PHLPP1: variants seen among roughly 807,000 people sequenced by gnomAD.
PHLPP1 encodes PH domain and leucine rich repeat protein phosphatase 1, also known as PH domain leucine-rich repeat-containing protein phosphatase 1.
Under a neutral mutation model 117.2 loss-of-function variants are expected in PHLPP1, and 42 were observed. The observed-to-expected ratio is 0.36, with a 90% CI of 0.28 to 0.46. PHLPP1 has a LOEUF of 0.46. Ranked by LOEUF, PHLPP1 falls within the 20% of genes least tolerant of loss-of-function variation. PHLPP1 has a pLI of 1.00. For missense variants in PHLPP1, 2,084 were observed against 2,241.9 expected (o/e 0.93, Z 1.42); for synonymous variants, 1,042 against 970.7 (o/e 1.07, Z -1.37).
chr18:62,737,101 G>A (rs909494536), intron 1 of PHLPP1, among the ~76,000 whole-genome samples: 1 of 152,246 alleles, frequency 6.6e-6, no homozygotes, highest in Middle Eastern at 3.4e-3. Context: ...ACAGTGCCAG[G>A]GGAATCCAGA....
chr18:62,755,128 G>A (rs1911972426), intron 1 of PHLPP1, among the ~76,000 whole-genome samples: 1 of 152,034 alleles, frequency 6.6e-6, no homozygotes, highest in Admixed American at 6.5e-5. Context: ...GTAGGAAGTA[G>A]AGGTTTAGAC....
intron 1 of PHLPP1, among the ~76,000 whole-genome samples, chr18:62,726,212 G>A (rs997566212): frequency 8.5e-5 from 13 of 152,104 alleles, no homozygotes; most frequent in African/African-American, 2.9e-4. Flanking sequence ...GAGGGGGTGA[G>A]TAGGGTAACT....
chr18:62,814,615 C>G (rs187996697), intron 1 of PHLPP1, among the ~76,000 whole-genome samples: 3 of 152,244 alleles, frequency 2.0e-5, no homozygotes, highest in Admixed American at 2.0e-4. Flanking sequence ...TTCACTCATT[C>G]GACCATTTTC....
At chr18:62,933,933 CTT>C (rs1266127722) in intron 10 of PHLPP1, among the ~76,000 whole-genome samples, 1 of 152,064 alleles carries the variant, frequency 6.6e-6, no homozygotes, top group African/African-American at 2.4e-5. Context: ...TGAATAGACA[CTT>C]CTCAAAAGAA....
intron 12 of PHLPP1, among the ~76,000 whole-genome samples, chr18:62,952,125 A>G (rs1417765716): frequency 1.3e-5 from 2 of 151,902 alleles, no homozygotes; most frequent in African/African-American, 4.8e-5. Context: ...GCCATAATCA[A>G]TTTTAAGAAG....
intron 1 of PHLPP1, among the ~76,000 whole-genome samples, chr18:62,775,349 C>T (rs868280349): frequency 1.3e-5 from 2 of 152,230 alleles, no homozygotes; most frequent in African/African-American, 2.4e-5. Flanking sequence ...ATCCACCCGC[C>T]TCGGCCTCCT....
intron 1 of PHLPP1, among the ~76,000 whole-genome samples, chr18:62,805,677 A>G (rs1913929651): frequency 6.6e-6 from 1 of 152,090 alleles, no homozygotes; most frequent in South Asian, 2.1e-4. Context: ...CACTGTCTTA[A>G]TGGTGTCTTT....
chr18:62,782,144 C>T (rs760488539), intron 1 of PHLPP1, among the ~76,000 whole-genome samples: 1 of 152,226 alleles, frequency 6.6e-6, no homozygotes, highest in Non-Finnish European at 1.5e-5. Flanking sequence ...CATATTTACG[C>T]AAACACTTCG....
chr18:62,873,058 C>T (rs1286660277), intron 4 of PHLPP1, among the ~76,000 whole-genome samples: 2 of 149,996 alleles, frequency 1.3e-5, no homozygotes, highest in Non-Finnish European at 2.9e-5. Flanking sequence ...TTTTCAAGTG[C>T]GTTTGGCCCA....
At chr18:62,933,014 A>G (rs2144442129) in intron 10 of PHLPP1, among the ~76,000 whole-genome samples, 1 of 152,300 alleles carries the variant, frequency 6.6e-6, no homozygotes, top group South Asian at 2.1e-4. Context: ...CATTTACAAT[A>G]GCAAAAAAAT....
At chr18:62,957,927 C>T (rs1387378964) in intron 12 of PHLPP1, among the ~76,000 whole-genome samples, 1 of 152,094 alleles carries the variant, frequency 6.6e-6, no homozygotes, top group African/African-American at 2.4e-5. Flanking sequence ...AGGCTGATCT[C>T]GAACTCCTGA....
intron 8 of PHLPP1, among the ~76,000 whole-genome samples, chr18:62,905,539 A>G (rs683138): frequency 0.46 from 69,778 of 152,062 alleles, 16,266 homozygotes; most frequent in Middle Eastern, 0.57. Flanking sequence ...GTTGAGGGCC[A>G]TATGGCTTAA....
At chr18:62,842,538 AT>A (rs1490771654) in intron 3 of PHLPP1, among the ~76,000 whole-genome samples, 1 of 151,288 alleles carries the variant, frequency 6.6e-6, no homozygotes, top group Non-Finnish European at 1.5e-5. Context: ...ATTTTTTTGT[AT>A]TTTTAGTAGA....
At chr18:62,864,456 T>C (rs1295082029) in intron 4 of PHLPP1, among the ~76,000 whole-genome samples, 4 of 152,118 alleles carry the variant, frequency 2.6e-5, no homozygotes, top group African/African-American at 9.7e-5. Flanking sequence ...GTATTCAAGG[T>C]AGAGAGGAGG....
chr18:62,942,326 G>A (rs1409246890), intron 11 of PHLPP1, among the ~76,000 whole-genome samples: 1 of 152,118 alleles, frequency 6.6e-6, no homozygotes, highest in Admixed American at 6.6e-5. Context: ...TTCGAGACCA[G>A]CCTGGGCAAC....
intron 12 of PHLPP1, among the ~76,000 whole-genome samples, chr18:62,946,529 A>G (rs1175365049): frequency 6.6e-6 from 1 of 151,526 alleles, no homozygotes; most frequent in Non-Finnish European, 1.5e-5. Context: ...CGGCCTCCCA[A>G]AGTGCTGGGA....
Position 62,900,301 on chromosome 18 carries a change from TAATAAATAAATAAATAAATAAATA to T in PHLPP1, c.2445-2636_2445-2613del, listed in dbSNP as rs142418645. On this transcript the variant is annotated intron_variant, in intron 6 of 16. Transcript: ENST00000262719. ...GACAGAGCAAGACTTTGCCTTAAAA[TAATAAATAAATAAATAAATAAATA>T]AATAAATAAATAAATAAATAAATAA... 8.5e-4 allele frequency among the ~76,000 whole-genome samples: 123 copies of T among 144,750 alleles called. 2 individuals carry two copies. Among genetic ancestry groups the T allele is most frequent in the African/African-American group, 2.8e-3 (109 of 39,280 alleles). 95.0% of individuals were successfully genotyped at this position (144,750 alleles called of 152,430 possible). A position where few individuals can be genotyped will look rare whatever the true frequency, so the allele number is the denominator to read the frequency against.
intron 4 of PHLPP1, among the ~76,000 whole-genome samples, chr18:62,878,080 G>A (rs1916091982): frequency 6.6e-6 from 1 of 152,146 alleles, no homozygotes; most frequent in Non-Finnish European, 1.5e-5. Flanking sequence ...TGAGCTCTGT[G>A]GAGCTCTTTG....
In PHLPP1 at chr18:62,716,629, G is replaced by C. The variant is rs904958396; in HGVS notation, c.946G>C (p.Ala316Pro). The C allele has an allele frequency of 8.3e-5, 111 of 1,337,420 alleles. No individual in the cohort carries two copies. In the African/African-American group the frequency reaches 1.5e-3, roughly 19 times the overall value. The allele number at this position is 1,337,420 out of a possible 1,614,324, so 82.8% of individuals were successfully genotyped here. ...VGGPGGWSRR[A>P]SPAPSDSSPG... ...CGGCCCGGGCGGGTGGTCGCGCCGC[G>C]CCAGCCCAGCGCCCTCGGACTCCAG... Residue 316 changes from alanine to proline, a missense_variant, in exon 1 of 17, where the codon GCC becomes CCC. By Grantham distance (27) the Ala-to-Pro change is conservative. This residue lies in a region of PHLPP1 where 719 missense variants were observed against 636.0 expected (regional missense o/e 1.13). Coordinates refer to ENST00000262719, the MANE Select transcript of PHLPP1 (RefSeq NM_194449.4). The surrounding 1 kb of genome is among the most constrained non-coding windows in gnomAD (Gnocchi z 5.7).
Sources: allele counts gnomAD v4.1 joint callset (sites outside exome capture counted in the v4.1 genomes callset), GRCh38; gene constraint gnomAD v4.1.1; regional missense constraint gnomAD v4.1.1; non-coding constraint Gnocchi (gnomAD v3.1); transcripts MANE v1.5; gene names NCBI Gene and HGNC (gene_info 2026-07-23, HGNC 2026-07-21).